Variants in ATP10B observed in about 807,000 individuals in gnomAD.
ATP10B encodes the protein ATPase phospholipid transporting 10B (putative).
ATP10B carries 122 observed loss-of-function variants against 141.2 expected under a neutral mutation model. The ratio of observed to expected loss-of-function variants is 0.86; its 90% CI spans 0.75 to 1.00. ATP10B has a LOEUF of 1.00. Ranked by LOEUF, ATP10B falls within the 50% of genes least tolerant of loss-of-function variation. The probability of loss-of-function intolerance (pLI) is 0.00; values close to 1 mark genes in which losing one functional copy is unlikely to be tolerated. For missense variants in ATP10B, 1,876 were observed against 1,825.3 expected, an observed-to-expected ratio of 1.03 and a Z score of -0.51; for synonymous variants, 685 against 692.0, an observed-to-expected ratio of 0.99 and a Z score of 0.16.
intron 1 of ATP10B, among the ~76,000 whole-genome samples, chr5:160,799,541 T>C (rs1310612596): frequency 6.6e-6 from 1 of 152,188 alleles, no homozygotes; most frequent in South Asian, 2.1e-4. Context: ...GACATTGGTA[T>C]GAAAAGTGCT....
chr5:160,569,347 T>C, intron 25 of ATP10B, 149 bp downstream of exon 25: 1 of 819,588 alleles, frequency 1.2e-6, no homozygotes, highest in Non-Finnish European at 1.9e-6. Flanking sequence ...TTGTCATTCA[T>C]TGTTCTTTCT....
chr5:160,673,635 T>A (rs147618187), intron 6 of ATP10B, among the ~76,000 whole-genome samples: 23 of 152,306 alleles, frequency 1.5e-4, no homozygotes, highest in African/African-American at 5.3e-4. Context: ...CAGATTTGTT[T>A]CCCTGTGCCA....
intron 6 of ATP10B, among the ~76,000 whole-genome samples, chr5:160,674,329 G>T (rs1762897693): frequency 6.6e-6 from 1 of 152,196 alleles, no homozygotes; most frequent in African/African-American, 2.4e-5. Context: ...GGATTATAAA[G>T]GTGCTGGAAG....
intron 1 of ATP10B, among the ~76,000 whole-genome samples, chr5:160,826,374 A>C (rs1341820278): frequency 6.6e-6 from 1 of 152,198 alleles, no homozygotes; most frequent in Non-Finnish European, 1.5e-5. Context: ...TGAAGATTTC[A>C]TGGACATTTA....
rs1218640184 is a variant in ATP10B, at chr5:160,653,317, T to A, written c.676-4061A>T. Among the ~76,000 whole-genome samples, 13 of 122,282 alleles carry A rather than the reference T, an allele frequency of 1.1e-4. 1 individual carries two copies. The highest frequency in any genetic ancestry group is 4.2e-4 in the African/African-American group (13 of 30,972). The allele number at this position is 122,282 out of a possible 152,430, so 80.2% of individuals were successfully genotyped here. A position where few individuals can be genotyped will look rare whatever the true frequency, so the allele number is the denominator to read the frequency against. ...ATACATACGTACATACATACATAGG[T>A]AGTATATATACATACGTACATACAT... On this transcript the variant is annotated intron_variant, in intron 7 of 25. Transcript: ENST00000327245.
intron 3 of ATP10B, among the ~76,000 whole-genome samples, chr5:160,707,516 C>T (rs2127767476): frequency 6.6e-6 from 1 of 152,322 alleles, no homozygotes; most frequent in African/African-American, 2.4e-5. Context: ...TCGATACAGA[C>T]TTTCCATAGC....
chr5:160,602,515 G>C, intron 21 of ATP10B, 62 bp downstream of exon 21: 14 of 1,608,298 alleles, frequency 8.7e-6, no homozygotes, highest in Non-Finnish European at 1.2e-5. Flanking sequence ...GCTAGGGAGA[G>C]ATCTGGCCCC....
At chr5:160,867,194 A>T in the ATP10B span, among the ~76,000 whole-genome samples, 2 of 66,316 alleles carry the variant, frequency 3.0e-5, no homozygotes, top group Admixed American at 2.6e-4. Context: ...AGAGTCTCAT[A>T]TATATGCATA....
At chr5:160,618,117 C>A (rs1758128647) in intron 15 of ATP10B, 144 bp from the exon 16 acceptor site, 5 of 674,186 alleles carry the variant, frequency 7.4e-6, no homozygotes, top group Non-Finnish European at 1.0e-5. Context: ...CCTGAAGGAG[C>A]TCTCCTGGCT....
chr5:160,898,891 A>T, the ATP10B span, among the ~76,000 whole-genome samples: 4 of 151,788 alleles, frequency 2.6e-5, no homozygotes, highest in Admixed American at 2.0e-4. Flanking sequence ...AAACTAACAC[A>T]GGAACAGAAA....
chr5:160,917,776 G>A, the ATP10B span, among the ~76,000 whole-genome samples: 16 of 152,148 alleles, frequency 1.1e-4, no homozygotes, highest in African/African-American at 2.2e-4. Context: ...CTCTGCTGGC[G>A]TCCCTGCCAC....
At chr5:160,714,048 T>G (rs1354567384) in intron 3 of ATP10B, among the ~76,000 whole-genome samples, 1 of 44,596 alleles carries the variant, frequency 2.2e-5, no homozygotes, top group Non-Finnish European at 3.9e-5. Flanking sequence ...GCCCTTAACA[T>G]TTTTTCCTTC....
intron 2 of ATP10B, among the ~76,000 whole-genome samples, chr5:160,753,934 C>T (rs1479426752): frequency 1.3e-5 from 2 of 152,146 alleles, no homozygotes; most frequent in African/African-American, 4.8e-5. Context: ...ACTATGACTT[C>T]TTATTGTCCA....
At chr5:160,589,767 A>T in intron 23 of ATP10B, 71 bp from the exon 24 acceptor site, 2 of 1,140,152 alleles carry the variant, frequency 1.8e-6, no homozygotes, top group Middle Eastern at 3.9e-4. Context: ...CACAGTGATT[A>T]TAAAGCATCA....
At chr5:160,800,675 A>G (rs975281307) in intron 1 of ATP10B, among the ~76,000 whole-genome samples, 1 of 152,218 alleles carries the variant, frequency 6.6e-6, no homozygotes, top group African/African-American at 2.4e-5. Context: ...CTCCACTTAT[A>G]TGGGATTTGG....
intron 1 of ATP10B, among the ~76,000 whole-genome samples, chr5:160,798,742 CTATTTTTT>C (rs1772139722): frequency 7.7e-6 from 1 of 130,402 alleles, no homozygotes; most frequent in African/African-American, 2.9e-5. Flanking sequence ...GACTTTTTCT[CTATTTTTT>C]TTTTTTTTTT....
At chr5:160,878,053 A>G in the ATP10B span, among the ~76,000 whole-genome samples, 2 of 151,846 alleles carry the variant, frequency 1.3e-5, no homozygotes, top group African/African-American at 2.4e-5. Flanking sequence ...ATATGGAACC[A>G]AAAAAGAGCC....
At chr5:160,732,790 G>A (rs1457721927) in intron 2 of ATP10B, among the ~76,000 whole-genome samples, 3 of 152,088 alleles carry the variant, frequency 2.0e-5, no homozygotes, top group Non-Finnish European at 2.9e-5. Context: ...GGCCTTCTGT[G>A]GTTTCATAAG....
chr5:160,803,418 C>G (rs572504204), intron 1 of ATP10B, among the ~76,000 whole-genome samples: 1 of 152,320 alleles, frequency 6.6e-6, no homozygotes, highest in African/African-American at 2.4e-5. Flanking sequence ...CGGCTCACAC[C>G]TGTAATCCCA....
Sources: allele counts gnomAD v4.1 joint callset (sites outside exome capture counted in the v4.1 genomes callset), GRCh38; gene constraint gnomAD v4.1.1; transcripts MANE v1.5; gene names NCBI Gene and HGNC (gene_info 2026-07-23, HGNC 2026-07-21).